The following PACS2 variants were observed in gnomAD, a reference collection of about 807,000 sequenced individuals.
PACS2 encodes the protein phosphofurin acidic cluster sorting protein 2.
A neutral mutation model predicts 113.0 loss-of-function variants in PACS2; 36 were observed. The observed-to-expected ratio is 0.32, with a 90% CI of 0.24 to 0.42. PACS2 has a LOEUF of 0.42. PACS2 is among the 10% of genes least tolerant of loss of function. PACS2 has a pLI of 1.00. For missense variants in PACS2, 1,015 were observed against 1,239.5 expected (o/e 0.82, Z 2.72); for synonymous variants, 589 against 536.1 (o/e 1.10, Z -1.36).
chr14:105,391,852 C>A, intron 22 of PACS2, 86 bp downstream of exon 22: 1 of 1,353,336 alleles, frequency 7.4e-7, no homozygotes, highest in Non-Finnish European at 1.0e-6. Flanking sequence ...TATGTCACAT[C>A]CACCTCCCAG....
intron 19 of PACS2, 33 bp downstream of exon 19, chr14:105,385,750 C>G (rs1287340273): frequency 7.0e-7 from 1 of 1,420,520 alleles, no homozygotes; most frequent in African/African-American, 1.4e-5. Flanking sequence ...CCCACCCTGT[C>G]TGTCCCCAGG....
intron 8 of PACS2, 146 bp downstream of exon 8, chr14:105,370,046 G>T: frequency 1.4e-6 from 1 of 704,436 alleles, no homozygotes; most frequent in Non-Finnish European, 2.3e-6. Context: ...CAGTCTGCGA[G>T]GCGCAGTGAC....
At chr14:105,361,483 A>G (rs1190743531) in intron 4 of PACS2, among the ~76,000 whole-genome samples, 1 of 152,188 alleles carries the variant, frequency 6.6e-6, no homozygotes. Flanking sequence ...CTAAAAGTAC[A>G]ACAATTAGCC....
intron 1 of PACS2, among the ~76,000 whole-genome samples, chr14:105,319,855 C>T (rs1189336612): frequency 1.3e-5 from 2 of 152,196 alleles, no homozygotes; most frequent in Non-Finnish European, 2.9e-5. Flanking sequence ...TCATGACTTG[C>T]AAAGGCTTTT....
chr14:105,326,238 A>C (rs2059100378), intron 1 of PACS2, among the ~76,000 whole-genome samples: 1 of 151,984 alleles, frequency 6.6e-6, no homozygotes, highest in Admixed American at 6.6e-5. Context: ...GCAGCAGTGG[A>C]GTTGAGACCC....
At chr14:105,363,271 TCTC>T (rs1345868700) in intron 4 of PACS2, among the ~76,000 whole-genome samples, 13 of 152,314 alleles carry the variant, frequency 8.5e-5, no homozygotes, top group Admixed American at 5.2e-4. Context: ...GGCATCGACT[TCTC>T]CTCTCTAGCT....
At position 105,357,849 on chromosome 14, in the gene PACS2, C is replaced by T. The variant is rs947009759; in HGVS notation, c.423+2672C>T. ...GAGAGTGGGGTGTCGGTGAGGCTGG[C>T]GCCATGCATTTGAGAGTAGTGCTCG... On this transcript the variant is annotated intron_variant, in intron 4 of 24. Transcript: ENST00000447393. This position sits in a 1 kb window ranked among gnomAD's most constrained non-coding sequence, Gnocchi z 5.1. Among the ~76,000 whole-genome samples the T allele has an allele frequency of 2.6e-5, 4 of 152,020 alleles. No individual in the cohort carries two copies. Among genetic ancestry groups the T allele is most frequent in the Admixed American group, 1.3e-4 (2 of 15,260 alleles).
Position 105,324,503 on chromosome 14 carries a change from C to T in PACS2, c.119+9466C>T, listed in dbSNP as rs2059020994. ...CTGCTGGCCCCGCAGGGTGGCTGGG[C>T]CTGGCTGGCTCAGCAGCTGCTCTGA... On this transcript the variant is annotated intron_variant, in intron 1 of 24. Coordinates refer to ENST00000447393, the MANE Select transcript of PACS2 (RefSeq NM_001100913.3). The surrounding 1 kb of genome is among the most constrained non-coding windows in gnomAD (Gnocchi z 4.7). Among the ~76,000 whole-genome samples the T allele has an allele frequency of 6.6e-6, 1 of 152,190 alleles. No homozygotes were observed. The highest frequency in any genetic ancestry group is 1.5e-5 in the Non-Finnish European group (1 of 68,020).
In PACS2 at chr14:105,367,246, C is replaced by T. The variant is rs1555408155; in HGVS notation, c.457C>T (p.Leu153=). The T allele has an allele frequency of 3.1e-6, 5 of 1,613,164 alleles. No homozygotes were observed. The East Asian group carries it at 1.1e-4, about 36-fold the overall frequency. The change falls in exon 5 of 25, where the codon CTG becomes TTG. Residue 153 remains leucine, a synonymous_variant. Coordinates refer to ENST00000447393, the MANE Select transcript of PACS2 (RefSeq NM_001100913.3). The stretch of plus-strand genomic sequence containing the variant: ...ACACCCGTCTGAAGGTGGCCAGGTG[C>T]TGAGCCTCTGCAGCAGCATCAAGGA... ...MQHPSEGGQV[L]SLCSSIKEAP... is the part of the protein sequence containing the mutation.
At chr14:105,339,757 A>G (rs2059656998) in intron 1 of PACS2, among the ~76,000 whole-genome samples, 1 of 152,208 alleles carries the variant, frequency 6.6e-6, no homozygotes, top group Admixed American at 6.5e-5. Flanking sequence ...GAATATTAAC[A>G]AAAGCCAGAA....
intron 1 of PACS2, among the ~76,000 whole-genome samples, chr14:105,347,805 T>C (rs1397646668): frequency 6.6e-6 from 1 of 152,192 alleles, no homozygotes; most frequent in Admixed American, 6.5e-5. Flanking sequence ...CTGGATGGAT[T>C]TGGAGCCCTG....
rs1453310055 is a variant in PACS2 at position 105,365,169 on chromosome 14, G to A, written c.424-2044G>A. Among the ~76,000 whole-genome samples the A allele has an allele frequency of 6.6e-6, 1 of 152,212 alleles. No homozygotes were observed. Among genetic ancestry groups the A allele is most frequent in the African/African-American group, 2.4e-5 (1 of 41,460 alleles). ...AGCATCTGCTGGACTAACCCGGGAG[G>A]GTGGTCTCAGGGTCAGCAGGGGCAG... On this transcript the variant is annotated intron_variant, in intron 4 of 24. Coordinates refer to ENST00000447393, the MANE Select transcript of PACS2 (RefSeq NM_001100913.3). This position sits in a 1 kb window ranked among gnomAD's most constrained non-coding sequence, Gnocchi z 5.1.
At chr14:105,313,104 C>T (rs587706520), upstream of PACS2, among the ~76,000 whole-genome samples, 1 of 152,316 alleles carries the variant, frequency 6.6e-6, no homozygotes, top group South Asian at 2.1e-4. Context: ...ACGGCTTAGT[C>T]ACCCCGCATC....
chr14:105,355,295 T>C lies in PACS2; in HGVS notation c.423+118T>C. On this transcript the variant is annotated intron_variant, in intron 4 of 24. Coordinates refer to ENST00000447393, the MANE Select transcript of PACS2 (RefSeq NM_001100913.3). This position sits in a 1 kb window ranked among gnomAD's most constrained non-coding sequence, Gnocchi z 4.1. ...CAGATGTCCAGGGATCAGGTGAAAATGATGAGAGGAGCCTGGGCGGCCGGG... is the reference window on the plus strand; with the variant it reads ...CAGATGTCCAGGGATCAGGTGAAAACGATGAGAGGAGCCTGGGCGGCCGGG... The C allele has an allele frequency of 8.0e-7, 1 of 1,256,662 alleles. No individual in the cohort carries two copies. Among genetic ancestry groups the C allele is most frequent in the Non-Finnish European group, 1.1e-6 (1 of 924,990 alleles). The allele number at this position is 1,256,662 out of a possible 1,614,324, so 77.8% of individuals were successfully genotyped here. A position where few individuals can be genotyped will look rare whatever the true frequency, so the allele number is the denominator to read the frequency against.
chr14:105,368,203 G>A, intron 6 of PACS2, 56 bp downstream of exon 6: 3 of 1,250,930 alleles, frequency 2.4e-6, no homozygotes, highest in Non-Finnish European at 3.5e-6. Flanking sequence ...GTGTCCTGGG[G>A]TCTGTGGGGT....
chr14:105,330,999 AGGCT>A lies in PACS2; in HGVS notation c.119+15965_119+15968del, dbSNP rs2059287447. 6.6e-6 allele frequency among the ~76,000 whole-genome samples: 1 copy of A among 150,636 alleles called. No homozygotes were observed. On this transcript the variant is annotated intron_variant, in intron 1 of 24. Transcript: ENST00000447393. This position sits in a 1 kb window ranked among gnomAD's most constrained non-coding sequence, Gnocchi z 6.9. ...TTGAGACAGAGTCATCCTGTTGCCC[AGGCT>A]GGAGTGCAGTGGCACAATCTCGGCT...
chr14:105,352,320 C>A, intron 2 of PACS2, 58 bp from the exon 3 acceptor site: 1 of 1,130,780 alleles, frequency 8.8e-7, no homozygotes, highest in Non-Finnish European at 1.3e-6. Context: ...GGTGTCTTTG[C>A]CTGGTTTCCT....
chr14:105,383,640 C>A, intron 16 of PACS2, 127 bp downstream of exon 16: 1 of 824,390 alleles, frequency 1.2e-6, no homozygotes, highest in Non-Finnish European at 1.8e-6. Context: ...CGTGGTGTGG[C>A]GCGGTGTGGC....
chr14:105,341,976 C>G (rs1555401691), intron 1 of PACS2, among the ~76,000 whole-genome samples: 1 of 152,228 alleles, frequency 6.6e-6, no homozygotes, highest in Admixed American at 6.5e-5. Context: ...CGAGGGGGCA[C>G]TGGGCTGTGC....
Sources: gnomAD v4.1 joint callset for allele counts (sites outside exome capture counted in the v4.1 genomes callset) on GRCh38, gnomAD v4.1.1 for gene constraint, Gnocchi (gnomAD v3.1) non-coding constraint, MANE v1.5 for transcripts, NCBI Gene and HGNC (gene_info 2026-07-23, HGNC 2026-07-21) for gene names.